The following SP100 variants were observed in gnomAD, a reference collection of about 807,000 sequenced individuals.
The protein encoded by SP100 is SP100 nuclear body protein, also known as nuclear autoantigen Sp-100.
In SP100, 84 loss-of-function variants were observed where a neutral mutation model predicts 130.0. That is an observed-to-expected ratio of 0.65 (90% CI 0.54 to 0.77). SP100 has a LOEUF of 0.77. Ranked by LOEUF, SP100 falls within the 30% of genes least tolerant of loss-of-function variation. The probability of loss-of-function intolerance (pLI) is 0.00; values close to 1 mark genes in which losing one functional copy is unlikely to be tolerated. For synonymous variants in SP100, 331 were observed against 351.7 expected (o/e 0.94, Z 0.66); for missense variants, 978 against 1,052.2 (o/e 0.93, Z 0.97).
intron 24 of SP100, chr2:230,538,207 A>G (rs1349057148): frequency 6.6e-6 from 1 of 152,198 alleles, no homozygotes. Context: ...TAAGCAAAAG[A>G]AAAAAATTCT....
At chr2:230,446,340 C>T (rs964509917) in intron 4 of SP100, among the ~76,000 whole-genome samples, 18 of 152,172 alleles carry the variant, frequency 1.2e-4, no homozygotes, top group African/African-American at 3.4e-4. Flanking sequence ...AAATCCTGGG[C>T]TCAAGCAATC....
chr2:230,522,311 C>G (rs568016283), intron 24 of SP100, among the ~76,000 whole-genome samples: 1 of 152,080 alleles, frequency 6.6e-6, no homozygotes, highest in South Asian at 2.1e-4. Flanking sequence ...GATATTCTTT[C>G]ATAATACTGT....
At chr2:230,501,593 C>T (rs895183959) in intron 19 of SP100, among the ~76,000 whole-genome samples, 3 of 152,162 alleles carry the variant, frequency 2.0e-5, no homozygotes, top group Non-Finnish European at 2.9e-5. Context: ...GGAAACATGC[C>T]TTTCCAGCCT....
intron 24 of SP100, among the ~76,000 whole-genome samples, chr2:230,513,162 A>G (rs1377591596): frequency 6.6e-6 from 1 of 152,206 alleles, no homozygotes; most frequent in Admixed American, 6.5e-5. Flanking sequence ...GTTTTGTAGA[A>G]GAGTTTAGGA....
intron 5 of SP100, 117 bp from the exon 6 acceptor site, chr2:230,448,971 T>C (rs1322237176): frequency 1.6e-5 from 12 of 732,866 alleles, no homozygotes; most frequent in Admixed American, 3.9e-5. Context: ...GGCCTTTGCA[T>C]TGAGACCTAG....
intron 24 of SP100, among the ~76,000 whole-genome samples, chr2:230,536,095 G>A (rs776766280): frequency 6.6e-6 from 1 of 152,122 alleles, no homozygotes; most frequent in African/African-American, 2.4e-5. Context: ...AATAAGCCAA[G>A]TATATGGGAC....
At chr2:230,511,190 AC>A in intron 24 of SP100, 24 bp downstream of exon 24, 1 of 1,561,130 alleles carries the variant, frequency 6.4e-7, no homozygotes, top group Non-Finnish European at 8.8e-7. Context: ...TCCGACTATG[AC>A]CCCAAAATAA....
intron 17 of SP100, among the ~76,000 whole-genome samples, chr2:230,483,463 A>G (rs1304567542): frequency 6.6e-6 from 1 of 152,224 alleles, no homozygotes; most frequent in Non-Finnish European, 1.5e-5. Flanking sequence ...TCTCAGAGGT[A>G]TATAGAACTT....
At position 230,455,787 on chromosome 2, in the gene SP100, G is replaced by C. The variant is rs114716245; in HGVS notation, c.821-5475G>C. Among the ~76,000 whole-genome samples the C allele has an allele frequency of 2.8e-3, 420 of 152,166 alleles. 1 individual carries two copies. Among genetic ancestry groups the C allele is most frequent in the African/African-American group, 9.6e-3 (397 of 41,502 alleles). ...CCTCTTTATCTTTTGTGTAATCACT[G>C]TAAGTTTTTGCTTTGTGGTTAACAT... is the stretch of plus-strand genomic sequence containing the variant. On this transcript the variant is annotated intron_variant, in intron 8 of 28. Coordinates refer to ENST00000340126, the MANE Select transcript of SP100 (RefSeq NM_001080391.2).
rs758088205 is a variant in SP100, at chr2:230,541,909, G to A, written c.2421G>A (p.Gln807=). The A allele has an allele frequency of 6.2e-7, 1 of 1,614,040 alleles. No homozygotes were observed. Among genetic ancestry groups the A allele is most frequent in the Non-Finnish European group, 8.5e-7 (1 of 1,179,962 alleles). Residue 807 remains glutamine, a synonymous_variant, in exon 28 of 29, where the codon CAG becomes CAA. Coordinates refer to ENST00000340126, the MANE Select transcript of SP100 (RefSeq NM_001080391.2). ...SEPYYNREGS[Q]GPQKPMWLNK... is the part of the protein sequence containing the mutation. Reference sequence around the variant, plus strand: ...CTCAACAGAACAGAGAGGGGTCTCAGGGCCCACAGAAGCCCATGTGGTTAA... The same window carrying A: ...CTCAACAGAACAGAGAGGGGTCTCAAGGCCCACAGAAGCCCATGTGGTTAA...
chr2:230,468,817 CAAAAAAAA>C (rs10617635), intron 13 of SP100: 564 of 149,138 alleles, frequency 3.8e-3, no homozygotes, highest in Middle Eastern at 0.012. Context: ...GACCCTGTCT[CAAAAAAAA>C]AAAAAAAAAA....
chr2:230,484,176 C>T (rs960510508), intron 17 of SP100, among the ~76,000 whole-genome samples: 11 of 152,186 alleles, frequency 7.2e-5, no homozygotes, highest in South Asian at 4.1e-4. Flanking sequence ...AGACCACAAA[C>T]GGACTCTTGT....
intron 23 of SP100, chr2:230,509,683 C>T (rs1263430476): frequency 6.6e-6 from 1 of 152,178 alleles, no homozygotes; most frequent in African/African-American, 2.4e-5. Context: ...GCTTGTGTCA[C>T]TCTCAGCACC....
chr2:230,451,466 G>A (rs1342315814), intron 8 of SP100, among the ~76,000 whole-genome samples: 1 of 152,116 alleles, frequency 6.6e-6, no homozygotes, highest in Non-Finnish European at 1.5e-5. Flanking sequence ...CAGGTCCTTT[G>A]CCCATTTAAA....
chr2:230,467,546 C>G (rs1045940637), intron 13 of SP100, among the ~76,000 whole-genome samples: 9 of 152,210 alleles, frequency 5.9e-5, no homozygotes, highest in Admixed American at 2.6e-4. Flanking sequence ...GCCTCACAAT[C>G]ATGGCAGAAG....
rs117991843 is a variant in SP100 at position 230,469,587 on chromosome 2, G to T, written c.1346-428G>T. 29 of 449,894 alleles carry T rather than the reference G, an allele frequency of 6.4e-5. No homozygotes were observed. The East Asian group carries it at 1.7e-3, about 26-fold the overall frequency. 27.9% of individuals were successfully genotyped at this position (449,894 alleles called of 1,614,324 possible). ...CATGAATGAGATAGGAGAAAACGAT[G>T]GAAGGATCCACACTGATCTGTTGAC... is the stretch of plus-strand genomic sequence containing the variant. On this transcript the variant is annotated intron_variant, in intron 14 of 28. Coordinates refer to ENST00000340126, the MANE Select transcript of SP100 (RefSeq NM_001080391.2).
Position 230,524,179 on chromosome 2 carries a change from C to CAAAAAAA in SP100, c.2094+13029_2094+13035dup, listed in dbSNP as rs71420292. Among the ~76,000 whole-genome samples, 82 of 75,286 alleles carry CAAAAAAA rather than the reference C, an allele frequency of 1.1e-3. 1 individual carries two copies. The highest frequency in any genetic ancestry group is 1.7e-3 in the African/African-American group (32 of 18,574). 49.4% of individuals were successfully genotyped at this position (75,286 alleles called of 152,430 possible). ...TGAAACCCTGTCTATACTAAAAATA[C>CAAAAAAA]AAAAAAAAAAAAAAAAAAAAAAGAA... On this transcript the variant is annotated intron_variant, in intron 24 of 28. Transcript: ENST00000340126.
At chr2:230,541,192 TG>T (rs1692159615) in intron 26 of SP100, 108 bp from the exon 27 acceptor site, 3 of 1,244,272 alleles carry the variant, frequency 2.4e-6, no homozygotes, top group Middle Eastern at 1.9e-4. Flanking sequence ...ATGCCATGTT[TG>T]TTTCAAAGAG....
intron 17 of SP100, among the ~76,000 whole-genome samples, chr2:230,475,919 A>G (rs2065520677): frequency 6.6e-6 from 1 of 152,172 alleles, no homozygotes; most frequent in Non-Finnish European, 1.5e-5. Flanking sequence ...TACCAGTACC[A>G]TGCCATTTTG....
Sources: gnomAD v4.1 joint callset for allele counts (sites outside exome capture counted in the v4.1 genomes callset) on GRCh38, gnomAD v4.1.1 for gene constraint, MANE v1.5 for transcripts, NCBI Gene and HGNC (gene_info 2026-07-23, HGNC 2026-07-21) for gene names.